ADAM22: variants seen among roughly 807,000 people sequenced by gnomAD.
ADAM22 encodes ADAM metallopeptidase domain 22, also known as disintegrin and metalloproteinase domain-containing protein 22.
In ADAM22, 65 loss-of-function variants were observed where a neutral mutation model predicts 144.6. The observed-to-expected ratio is 0.45, with a 90% CI of 0.37 to 0.55. ADAM22 has a LOEUF of 0.55. Ranked by LOEUF, ADAM22 falls within the 20% of genes least tolerant of loss-of-function variation. The pLI is 0.00. For synonymous variants in ADAM22, 391 were observed against 412.6 expected, an observed-to-expected ratio of 0.95 and a Z score of 0.63; for missense variants, 974 against 1,184.9, an observed-to-expected ratio of 0.82 and a Z score of 2.61.
At chr7:87,978,521 T>G in intron 3 of ADAM22, 109 bp downstream of exon 3, 18 of 765,368 alleles carry the variant, frequency 2.4e-5, no homozygotes, top group African/African-American at 3.5e-5. Context: ...CTATACCGGT[T>G]AAATACTACA....
chr7:88,143,219 C>T (rs1222629277), intron 15 of ADAM22, 94 bp downstream of exon 15: 1 of 851,938 alleles, frequency 1.2e-6, no homozygotes, highest in Non-Finnish European at 1.8e-6. Context: ...TCTTAGAGAG[C>T]TTTTCAACTT....
At chr7:88,131,805 A>T (rs1223687793) in intron 11 of ADAM22, 8 of 218,692 alleles carry the variant, frequency 3.7e-5, no homozygotes, top group Admixed American at 5.7e-5. Flanking sequence ...ATGAGAGCTT[A>T]GTATTTCTGG....
intron 26 of ADAM22, among the ~76,000 whole-genome samples, chr7:88,175,467 A>T (rs749254016): frequency 6.6e-6 from 1 of 152,224 alleles, no homozygotes; most frequent in Non-Finnish European, 1.5e-5. Context: ...ATGAAATGCC[A>T]AAGTTGTACA....
At chr7:88,140,897 G>A (rs1444315179) in intron 14 of ADAM22, among the ~76,000 whole-genome samples, 2 of 152,150 alleles carry the variant, frequency 1.3e-5, no homozygotes, top group Non-Finnish European at 2.9e-5. Context: ...AGTAAAGAGA[G>A]CTCTGAGAGT....
chr7:87,988,034 T>G (rs754417601), intron 3 of ADAM22, among the ~76,000 whole-genome samples: 9 of 152,176 alleles, frequency 5.9e-5, no homozygotes, highest in South Asian at 2.1e-4. Flanking sequence ...TAAACAGTTT[T>G]GACCTATAAT....
chr7:88,198,198 A>C lies in ADAM22; in HGVS notation c.*1707A>C, dbSNP rs1322273857. 6.6e-6 allele frequency: 1 copy of C among 152,188 alleles called. No individual in the cohort carries two copies. Among genetic ancestry groups the C allele is most frequent in the Non-Finnish European group, 1.5e-5 (1 of 68,030 alleles). The allele number at this position is 152,188 out of a possible 1,614,324, so 9.4% of individuals were successfully genotyped here. The stretch of plus-strand genomic sequence containing the variant: ...AGTATCCATGGACAAAATCCATATC[A>C]TCTTCATATGTAATCAATTTGATTA... On this transcript the variant is annotated 3_prime_UTR_variant, in exon 32 of 32. Transcript: ENST00000413139.
At chr7:88,006,367 C>T (rs10952904) in intron 3 of ADAM22, among the ~76,000 whole-genome samples, 64,017 of 150,376 alleles carry the variant, frequency 0.43, 14,326 homozygotes, top group East Asian at 0.63. Flanking sequence ...TTCCAATCAA[C>T]AGAAAAAGAG....
intron 31 of ADAM22, among the ~76,000 whole-genome samples, chr7:88,193,929 A>T: frequency 6.6e-6 from 1 of 152,336 alleles, no homozygotes; most frequent in Non-Finnish European, 1.5e-5. Flanking sequence ...AATAATTAAA[A>T]GCTGTGTAGA....
intron 3 of ADAM22, among the ~76,000 whole-genome samples, chr7:88,074,649 G>A (rs1257523650): frequency 2.0e-5 from 3 of 152,168 alleles, no homozygotes; most frequent in Non-Finnish European, 4.4e-5. Flanking sequence ...GATAAATGAA[G>A]CATTGACTTA....
intron 4 of ADAM22, among the ~76,000 whole-genome samples, chr7:88,089,588 G>C (rs2129484580): frequency 6.6e-6 from 1 of 152,094 alleles, no homozygotes; most frequent in East Asian, 1.9e-4. Flanking sequence ...CCTTGCATTT[G>C]AGAAACATGC....
chr7:88,162,053 C>T (rs917477515), intron 22 of ADAM22, among the ~76,000 whole-genome samples: 1 of 149,116 alleles, frequency 6.7e-6, no homozygotes, highest in African/African-American at 2.5e-5. Context: ...ATGGAATCAA[C>T]CTAAATGCCC....
intron 3 of ADAM22, among the ~76,000 whole-genome samples, chr7:88,070,343 A>G (rs1280652302): frequency 6.6e-6 from 1 of 152,162 alleles, no homozygotes; most frequent in African/African-American, 2.4e-5. Context: ...GAGGCCCTTA[A>G]TAGTTTTCGG....
chr7:88,039,716 C>G (rs1311157388), intron 3 of ADAM22, among the ~76,000 whole-genome samples: 1 of 151,124 alleles, frequency 6.6e-6, no homozygotes, highest in Admixed American at 6.6e-5. Flanking sequence ...AAGAATGAGC[C>G]ACTTTTCTTT....
At chr7:88,098,897 A>G (rs1198710302) in intron 4 of ADAM22, among the ~76,000 whole-genome samples, 5 of 152,164 alleles carry the variant, frequency 3.3e-5, no homozygotes, top group South Asian at 2.1e-4. Context: ...TGATACTACA[A>G]GATCCTAGTG....
chr7:88,001,350 G>A (rs140862091), intron 3 of ADAM22, among the ~76,000 whole-genome samples: 69 of 152,200 alleles, frequency 4.5e-4, no homozygotes, highest in African/African-American at 1.7e-3. Context: ...TTTTGTGCAT[G>A]GAACAAAGTT....
At chr7:88,113,703 A>AATAAATAAATACATATATAT (rs1554478726) in intron 5 of ADAM22, among the ~76,000 whole-genome samples, 1 of 48,106 alleles carries the variant, frequency 2.1e-5, no homozygotes, top group Non-Finnish European at 3.8e-5. Context: ...TAAATAAATA[A>AATAAATAAATACATATATAT]ATATATATAT....
intron 2 of ADAM22, among the ~76,000 whole-genome samples, chr7:87,946,179 G>C (rs1223168579): frequency 6.6e-6 from 1 of 151,776 alleles, no homozygotes; most frequent in African/African-American, 2.4e-5. Context: ...TTGTATGTCT[G>C]CTTTTGAGGA....
At chr7:88,069,786 G>A in intron 3 of ADAM22, among the ~76,000 whole-genome samples, 1 of 152,162 alleles carries the variant, frequency 6.6e-6, no homozygotes, top group Non-Finnish European at 1.5e-5. Context: ...GTGGATAGGG[G>A]CAGGATGACT....
At chr7:88,073,071 A>G (rs983543724) in intron 3 of ADAM22, among the ~76,000 whole-genome samples, 1 of 152,176 alleles carries the variant, frequency 6.6e-6, no homozygotes, top group East Asian at 1.9e-4. Flanking sequence ...CTTTCCAACA[A>G]TATTGTTCAG....
Sources: gnomAD v4.1 joint callset for allele counts (sites outside exome capture counted in the v4.1 genomes callset) on GRCh38, gnomAD v4.1.1 for gene constraint, MANE v1.5 for transcripts, NCBI Gene and HGNC (gene_info 2026-07-23, HGNC 2026-07-21) for gene names.